Variants in CUL1 observed in about 807,000 individuals in gnomAD.
The protein encoded by CUL1 is cullin 1.
In CUL1, 24 loss-of-function variants were observed where a neutral mutation model predicts 118.0. That is an observed-to-expected ratio of 0.20 (90% CI 0.15 to 0.29). The LOEUF (loss-of-function observed/expected upper bound fraction) is 0.29. Ranked by LOEUF, CUL1 falls within the 10% of genes least tolerant of loss-of-function variation. The pLI is 1.00. For missense variants in CUL1, 361 were observed against 933.8 expected (o/e 0.39, Z 7.99); for synonymous variants, 332 against 340.4 (o/e 0.98, Z 0.27).
At chr7:148,788,265 T>C (rs1204598091) in intron 13 of CUL1, among the ~76,000 whole-genome samples, 5 of 152,232 alleles carry the variant, frequency 3.3e-5, no homozygotes, top group African/African-American at 9.6e-5. Context: ...GATTATTTCA[T>C]CATTGTATTC....
At chr7:148,741,578 G>A (rs145407285) in intron 2 of CUL1, among the ~76,000 whole-genome samples, 60 of 151,760 alleles carry the variant, frequency 4.0e-4, no homozygotes, top group African/African-American at 1.4e-3. Context: ...AGCTGGAACC[G>A]CAGGTGTGCA....
intron 7 of CUL1, among the ~76,000 whole-genome samples, chr7:148,765,512 C>T (rs1008724887): frequency 1.3e-5 from 2 of 152,214 alleles, no homozygotes; most frequent in South Asian, 2.1e-4. Flanking sequence ...CACCTGTAGT[C>T]CCAGCTGCAC....
chr7:148,718,539 C>A (rs1798289971), intron 1 of CUL1, among the ~76,000 whole-genome samples: 1 of 144,656 alleles, frequency 6.9e-6, no homozygotes, highest in African/African-American at 2.7e-5. Flanking sequence ...TTCATCCACG[C>A]TGCATCAGTA....
In CUL1 at chr7:148,798,696, T is replaced by C; in HGVS notation, c.2136+19T>C. On this transcript the variant is annotated intron_variant, in intron 20 of 21. Transcript: ENST00000325222. ...GATTCAGGTGACTTATCTGTATGCCTGTGCCAGGTGTGCTGTCCCTCACGC... is the reference window on the plus strand; with the variant it reads ...GATTCAGGTGACTTATCTGTATGCCCGTGCCAGGTGTGCTGTCCCTCACGC... 1 of 1,589,902 alleles carries C rather than the reference T, an allele frequency of 6.3e-7. No individual in the cohort carries two copies. The highest frequency in any genetic ancestry group is 8.6e-7 in the Non-Finnish European group (1 of 1,157,924).
intron 2 of CUL1, among the ~76,000 whole-genome samples, chr7:148,749,602 G>A (rs1487922479): frequency 6.6e-6 from 1 of 151,980 alleles, no homozygotes; most frequent in Non-Finnish European, 1.5e-5. Context: ...ATCCATAAAT[G>A]CATGTGTCTG....
At chr7:148,710,038 G>C (rs1328308442) in intron 1 of CUL1, among the ~76,000 whole-genome samples, 1 of 152,060 alleles carries the variant, frequency 6.6e-6, no homozygotes, top group Non-Finnish European at 1.5e-5. Context: ...AGTGAGCCGA[G>C]GTGGCACCAT....
intron 11 of CUL1, among the ~76,000 whole-genome samples, chr7:148,784,398 C>T (rs1349492232): frequency 3.3e-5 from 5 of 152,196 alleles, no homozygotes; most frequent in African/African-American, 1.2e-4. Flanking sequence ...CGTAGATTGC[C>T]TTTGTTATTC....
rs1800855767 is a variant in CUL1, at chr7:148,787,498, A to G, written c.1479+378A>G. Among the ~76,000 whole-genome samples, 1 of 152,102 alleles carries G rather than the reference A, an allele frequency of 6.6e-6. No individual in the cohort carries two copies. The highest frequency in any genetic ancestry group is 1.5e-5 in the Non-Finnish European group (1 of 67,996). On this transcript the variant is annotated intron_variant, in intron 13 of 21. Transcript: ENST00000325222. The surrounding 1 kb of genome is among the most constrained non-coding windows in gnomAD (Gnocchi z 5.5). ...AAAAAGCTCTTAGTCTCTCCAGGTT[A>G]TGAGGCAGGCAGAGGAGTTTGTGCA...
At chr7:148,758,458 C>T (rs1218174760) in intron 4 of CUL1, among the ~76,000 whole-genome samples, 1 of 151,952 alleles carries the variant, frequency 6.6e-6, no homozygotes, top group Non-Finnish European at 1.5e-5. Flanking sequence ...CATAATGAGA[C>T]CTACAAAAAA....
chr7:148,725,491 A>T lies in CUL1; in HGVS notation c.-161-4471A>T, dbSNP rs183038158. On this transcript the variant is annotated intron_variant, in intron 1 of 21. Transcript: ENST00000325222. ...GACCCTCTGGCAACGCTTGTTACAG[A>T]GTTCCCTGCCAGGGTGATGCTGGCT... 2.9e-3 allele frequency among the ~76,000 whole-genome samples: 449 copies of T among 152,298 alleles called. 2 individuals are homozygous for T. Among genetic ancestry groups the T allele is most frequent in the Middle Eastern group, 6.8e-3 (2 of 294 alleles).
In CUL1 at chr7:148,787,196, C is replaced by T; in HGVS notation, c.1479+76C>T. ...ACAGCTCTATGGCCGAGCGCGGTGG[C>T]TCATGCCTGTAATCCCAGCACTTTG... On this transcript the variant is annotated intron_variant, in intron 13 of 21. Coordinates refer to ENST00000325222, the MANE Select transcript of CUL1 (RefSeq NM_003592.3). This position sits in a 1 kb window ranked among gnomAD's most constrained non-coding sequence, Gnocchi z 5.5. 1 of 1,490,910 alleles carries T rather than the reference C, an allele frequency of 6.7e-7. No homozygotes were observed. The highest frequency in any genetic ancestry group is 2.4e-5 in the East Asian group (1 of 42,014). 92.4% of individuals were successfully genotyped at this position (1,490,910 alleles called of 1,614,324 possible).
At chr7:148,748,672 CAATAGTTAGAG>C (rs1371090770) in intron 2 of CUL1, among the ~76,000 whole-genome samples, 1 of 151,952 alleles carries the variant, frequency 6.6e-6, no homozygotes, top group African/African-American at 2.4e-5. Flanking sequence ...TCCCTGTATC[CAATAGTTAGAG>C]ATGGGCATTG....
chr7:148,705,306 G>T (rs1306320780), intron 1 of CUL1, among the ~76,000 whole-genome samples: 1 of 152,108 alleles, frequency 6.6e-6, no homozygotes, highest in Non-Finnish European at 1.5e-5. Context: ...TAGTAGATGT[G>T]TTTTAAATTA....
At chr7:148,736,815 T>G (rs1263243218) in intron 2 of CUL1, among the ~76,000 whole-genome samples, 1 of 152,236 alleles carries the variant, frequency 6.6e-6, no homozygotes. Flanking sequence ...GGAATAATGT[T>G]CATAATATAT....
intron 1 of CUL1, among the ~76,000 whole-genome samples, chr7:148,711,704 T>C (rs1220983840): frequency 6.6e-6 from 1 of 152,214 alleles, no homozygotes; most frequent in Non-Finnish European, 1.5e-5. Context: ...GGGTGTCTTA[T>C]TGATGAATAG....
At position 148,800,423 on chromosome 7, in the gene CUL1, G is replaced by A. The variant is rs1584829688; in HGVS notation, c.2251-79G>A. The A allele has an allele frequency of 1.5e-5, 17 of 1,135,588 alleles. No homozygotes were observed. Among genetic ancestry groups the A allele is most frequent in the East Asian group, 2.4e-5 (1 of 41,964 alleles). 70.3% of individuals were successfully genotyped at this position (1,135,588 alleles called of 1,614,324 possible). A position where few individuals can be genotyped will look rare whatever the true frequency, so the allele number is the denominator to read the frequency against. On this transcript the variant is annotated intron_variant, in intron 21 of 21. Coordinates refer to ENST00000325222, the MANE Select transcript of CUL1 (RefSeq NM_003592.3). The surrounding 1 kb of genome is among the most constrained non-coding windows in gnomAD (Gnocchi z 4.6). The stretch of plus-strand genomic sequence containing the variant: ...GAATCAGGGGAGATTTGTGGTGGGG[G>A]CAGCCTCTCTCTGTTCTGATGATAA...
In CUL1 at chr7:148,783,780, A is replaced by G. The variant is rs373575432; in HGVS notation, c.1084-3A>G. 4 of 1,613,636 alleles carry G rather than the reference A, an allele frequency of 2.5e-6. No homozygotes were observed. Among genetic ancestry groups the G allele is most frequent in the Non-Finnish European group, 2.5e-6 (3 of 1,179,682 alleles). On this transcript the variant is annotated splice_polypyrimidine_tract_variant and splice_region_variant and intron_variant, in intron 9 of 21. Transcript: ENST00000325222. ...TTTGTTTCTATTTCTGCCCCCATTT[A>G]AGGACCCCAAAATGTATGTACAGAC...
At chr7:148,744,699 T>TA (rs1363508761) in intron 2 of CUL1, among the ~76,000 whole-genome samples, 1 of 152,220 alleles carries the variant, frequency 6.6e-6, no homozygotes, top group African/African-American at 2.4e-5. Context: ...CCCAGATACT[T>TA]ACTGTTTCTA....
At chr7:148,706,157 C>T (rs1797872900) in intron 1 of CUL1, among the ~76,000 whole-genome samples, 2 of 152,146 alleles carry the variant, frequency 1.3e-5, no homozygotes, top group South Asian at 4.1e-4. Flanking sequence ...GTGAATTCCC[C>T]GTTTAGATTT....
Sources: allele counts gnomAD v4.1 joint callset (sites outside exome capture counted in the v4.1 genomes callset), GRCh38; gene constraint gnomAD v4.1.1; non-coding constraint Gnocchi (gnomAD v3.1); transcripts MANE v1.5; gene names NCBI Gene and HGNC (gene_info 2026-07-23, HGNC 2026-07-21).